MFHAS1: variants seen among roughly 807,000 people sequenced by gnomAD.
The protein encoded by MFHAS1 is multifunctional ROCO family signaling regulator 1.
MFHAS1 carries 50 observed loss-of-function variants against 70.4 expected under a neutral mutation model. The ratio of observed to expected loss-of-function variants is 0.71; its 90% CI spans 0.57 to 0.90. MFHAS1 has a LOEUF of 0.90. Ranked by LOEUF, MFHAS1 falls within the 40% of genes least tolerant of loss-of-function variation. MFHAS1 has a pLI of 0.00. For missense variants in MFHAS1, 1,795 were observed against 1,347.6 expected (o/e 1.33, Z -5.20); for synonymous variants, 952 against 620.0 (o/e 1.54, Z -7.96).
At chr8:8,886,594 CA>C (rs1480305153) in intron 1 of MFHAS1, among the ~76,000 whole-genome samples, 2 of 152,106 alleles carry the variant, frequency 1.3e-5, no homozygotes, top group Non-Finnish European at 2.9e-5. Flanking sequence ...AGGCTTTTCA[CA>C]TAAAAATACT....
At chr8:8,854,388 G>C (rs1016090972) in intron 1 of MFHAS1, among the ~76,000 whole-genome samples, 2 of 152,218 alleles carry the variant, frequency 1.3e-5, no homozygotes, top group Non-Finnish European at 2.9e-5. Context: ...AGGCTTGGTG[G>C]TGGGCGCCTA....
At chr8:8,870,330 T>C (rs1487673754) in intron 1 of MFHAS1, among the ~76,000 whole-genome samples, 1 of 148,310 alleles carries the variant, frequency 6.7e-6, no homozygotes, top group Non-Finnish European at 1.5e-5. Context: ...CCAGACATGG[T>C]GGCACGCACC....
intron 1 of MFHAS1, among the ~76,000 whole-genome samples, chr8:8,879,249 G>A (rs1310557414): frequency 4.6e-5 from 7 of 152,040 alleles, no homozygotes; most frequent in Admixed American, 4.6e-4. Flanking sequence ...CTAGTTGGGA[G>A]ATGAGGCAGG....
intron 1 of MFHAS1, among the ~76,000 whole-genome samples, chr8:8,862,856 G>A (rs1266661765): frequency 6.6e-6 from 1 of 152,192 alleles, no homozygotes; most frequent in Non-Finnish European, 1.5e-5. Context: ...TGCCTTCTGT[G>A]CAATTTTGCT....
intron 1 of MFHAS1, among the ~76,000 whole-genome samples, chr8:8,846,680 G>T (rs568705513): frequency 6.6e-6 from 1 of 151,854 alleles, no homozygotes; most frequent in South Asian, 2.1e-4. Flanking sequence ...CAGCTGTCTC[G>T]GGGCCTCTGC....
At chr8:8,787,236 A>G (rs1805580207) in intron 2 of MFHAS1, among the ~76,000 whole-genome samples, 1 of 152,042 alleles carries the variant, frequency 6.6e-6, no homozygotes, top group Admixed American at 6.6e-5. Flanking sequence ...GCCCGCCACC[A>G]CACGCGGCTA....
At chr8:8,812,036 G>C (rs1280890489) in intron 1 of MFHAS1, among the ~76,000 whole-genome samples, 2 of 152,226 alleles carry the variant, frequency 1.3e-5, no homozygotes, top group Non-Finnish European at 2.9e-5. Context: ...CTGCTTTGCT[G>C]TCTTACCAGA....
In MFHAS1 at chr8:8,890,264, G is replaced by T. The variant is rs963442632; in HGVS notation, c.2795C>A (p.Ala932Asp). ...GGTGTCTGGCTGCAGGACTCCCCTG[G>T]CAGGTCTGTAACTCACAACCACAGG... ...KVPVVVSYRPARGVLQPDTLS... is the reference protein window; with the variant it reads ...KVPVVVSYRPDRGVLQPDTLS... The change falls in exon 1 of 3, where the codon GCC becomes GAC. Residue 932 changes from alanine (A) to aspartate (D), a missense_variant. Physicochemically the swap from Ala to Asp is moderately radical, Grantham distance 126. Coordinates refer to ENST00000276282, the MANE Select transcript of MFHAS1 (RefSeq NM_004225.3). The T allele has an allele frequency of 6.2e-7, 1 of 1,614,044 alleles. No homozygotes were observed. The highest frequency in any genetic ancestry group is 1.3e-5 in the African/African-American group (1 of 74,932).
intron 1 of MFHAS1, among the ~76,000 whole-genome samples, chr8:8,810,523 C>T (rs560940400): frequency 6.6e-6 from 1 of 152,204 alleles, no homozygotes; most frequent in African/African-American, 2.4e-5. Context: ...TCACTCAATA[C>T]GAAGACGATG....
chr8:8,798,166 A>G (rs1447926227), intron 1 of MFHAS1, among the ~76,000 whole-genome samples: 1 of 152,234 alleles, frequency 6.6e-6, no homozygotes, highest in African/African-American at 2.4e-5. Context: ...TCTCTCTTCA[A>G]CTAGATCATT....
At chr8:8,833,467 A>G (rs907201157) in intron 1 of MFHAS1, among the ~76,000 whole-genome samples, 2 of 152,098 alleles carry the variant, frequency 1.3e-5, no homozygotes, top group Non-Finnish European at 1.5e-5. Flanking sequence ...CATGTCTACA[A>G]AAAAATTAAA....
intron 2 of MFHAS1, among the ~76,000 whole-genome samples, chr8:8,796,348 G>A (rs2409090): frequency 0.78 from 119,273 of 152,094 alleles, 46,895 homozygotes; most frequent in East Asian, 0.91. Flanking sequence ...ATGGGCCTGC[G>A]CTGGTTTTTG....
At chr8:8,842,991 C>T (rs1376503871) in intron 1 of MFHAS1, among the ~76,000 whole-genome samples, 2 of 152,096 alleles carry the variant, frequency 1.3e-5, no homozygotes, top group African/African-American at 4.8e-5. Flanking sequence ...AGAGGCCGGG[C>T]GCGGTGGCTC....
chr8:8,785,430 CAAAA>C lies in MFHAS1; in HGVS notation c.*588_*591del, dbSNP rs545271752. ...AGAGGATTAAAGAATAAAGAAAAAA[CAAAA>C]AAGTCTTATACTAAAATAAGAAATC... On this transcript the variant is annotated 3_prime_UTR_variant, in exon 3 of 3. Transcript: ENST00000276282. 18 of 151,332 alleles carry C rather than the reference CAAAA, an allele frequency of 1.2e-4. No homozygotes were observed. Among genetic ancestry groups the C allele is most frequent in the African/African-American group, 4.4e-4 (18 of 41,062 alleles). 9.4% of individuals were successfully genotyped at this position (151,332 alleles called of 1,614,324 possible). A position where few individuals can be genotyped will look rare whatever the true frequency, so the allele number is the denominator to read the frequency against.
intron 1 of MFHAS1, among the ~76,000 whole-genome samples, chr8:8,883,034 T>C (rs1026873530): frequency 6.6e-6 from 1 of 152,000 alleles, no homozygotes; most frequent in Non-Finnish European, 1.5e-5. Context: ...ACCCCTGTAG[T>C]CCCAGCTATT....
At chr8:8,803,074 G>C (rs1047829623) in intron 1 of MFHAS1, among the ~76,000 whole-genome samples, 2 of 152,158 alleles carry the variant, frequency 1.3e-5, no homozygotes, top group Non-Finnish European at 2.9e-5. Context: ...GGGATTCAAA[G>C]AGTGGTTCCC....
At chr8:8,786,432 GACA>G (rs1805545595) in intron 2 of MFHAS1, among the ~76,000 whole-genome samples, 1 of 152,126 alleles carries the variant, frequency 6.6e-6, no homozygotes, top group Admixed American at 6.5e-5. Flanking sequence ...GTCACACGCA[GACA>G]CACACCAAAT....
intron 1 of MFHAS1, among the ~76,000 whole-genome samples, chr8:8,809,566 C>T (rs1806469984): frequency 6.6e-6 from 1 of 152,330 alleles, no homozygotes; most frequent in African/African-American, 2.4e-5. Flanking sequence ...GCGTGTGCCA[C>T]TTGGCTCCAT....
intron 1 of MFHAS1, among the ~76,000 whole-genome samples, chr8:8,866,148 T>C (rs1336028059): frequency 6.6e-6 from 1 of 152,158 alleles, no homozygotes; most frequent in Non-Finnish European, 1.5e-5. Flanking sequence ...GAACAGGGCC[T>C]GGGAACCTAG....
Sources: allele counts gnomAD v4.1 joint callset (sites outside exome capture counted in the v4.1 genomes callset), GRCh38; gene constraint gnomAD v4.1.1; transcripts MANE v1.5; gene names NCBI Gene and HGNC (gene_info 2026-07-23, HGNC 2026-07-21).